NRXN3: variants seen among roughly 807,000 people sequenced by gnomAD.
NRXN3 encodes neurexin III.
Under a neutral mutation model 137.6 loss-of-function variants are expected in NRXN3, and 32 were observed. The ratio of observed to expected loss-of-function variants is 0.23; its 90% CI spans 0.18 to 0.31. The LOEUF (loss-of-function observed/expected upper bound fraction) is 0.31, where lower values mean the gene tolerates loss of function less well. Ranked by LOEUF, NRXN3 falls within the 10% of genes least tolerant of loss-of-function variation. The pLI is 1.00. For synonymous variants in NRXN3, 798 were observed against 784.5 expected (o/e 1.02, Z -0.29); for missense variants, 1,574 against 2,062.5 (o/e 0.76, Z 4.59).
At chr14:79,120,469 C>A (rs2055212829) in intron 15 of NRXN3, among the ~76,000 whole-genome samples, 1 of 151,780 alleles carries the variant, frequency 6.6e-6, no homozygotes, top group South Asian at 2.1e-4. Context: ...CTATGTAAAC[C>A]AGCTTATGAT....
chr14:79,826,647 T>G (rs1193909227), intron 20 of NRXN3, among the ~76,000 whole-genome samples: 2 of 152,152 alleles, frequency 1.3e-5, no homozygotes, highest in African/African-American at 4.8e-5. Flanking sequence ...TGACACAAAA[T>G]CTCACCTAGA....
At chr14:78,624,479 G>T (rs2097435155) in intron 4 of NRXN3, among the ~76,000 whole-genome samples, 1 of 152,236 alleles carries the variant, frequency 6.6e-6, no homozygotes, top group African/African-American at 2.4e-5. Context: ...GAGCTGGCAT[G>T]GCAAGAGGGG....
At chr14:79,692,030 G>A (rs957086807) in intron 17 of NRXN3, 143 bp from the exon 18 acceptor site, 1 of 595,520 alleles carries the variant, frequency 1.7e-6, no homozygotes, top group Non-Finnish European at 2.9e-6. Context: ...CAAGGGCAGA[G>A]TGACTTCAAC....
At chr14:79,743,145 A>G (rs1320202032) in intron 19 of NRXN3, among the ~76,000 whole-genome samples, 2 of 152,078 alleles carry the variant, frequency 1.3e-5, no homozygotes, top group Non-Finnish European at 2.9e-5. Context: ...TTACTTTTGT[A>G]TGTTTCATAT....
chr14:78,810,250 T>G, intron 9 of NRXN3, 68 bp from the exon 10 acceptor site: 4 of 949,410 alleles, frequency 4.2e-6, no homozygotes. Flanking sequence ...GACTGATTGT[T>G]TTTGGATGTC....
intron 15 of NRXN3, among the ~76,000 whole-genome samples, chr14:79,308,436 T>C (rs969048775): frequency 6.6e-6 from 1 of 152,156 alleles, no homozygotes; most frequent in Admixed American, 6.5e-5. Context: ...CTTAGAGAGT[T>C]AGACTGGTCC....
At chr14:79,216,570 T>A (rs77117371) in intron 15 of NRXN3, among the ~76,000 whole-genome samples, 1 of 152,192 alleles carries the variant, frequency 6.6e-6, no homozygotes, top group Non-Finnish European at 1.5e-5. Flanking sequence ...TAAAAAATAG[T>A]GTACCTTTAT....
intron 10 of NRXN3, among the ~76,000 whole-genome samples, chr14:78,880,196 C>T (rs1015871680): frequency 1.5e-5 from 2 of 136,224 alleles, no homozygotes; most frequent in South Asian, 2.2e-4. Flanking sequence ...GCCGAGATCC[C>T]GCCACTGCAC....
In NRXN3 at chr14:78,655,129, A is replaced by G. The variant is rs575773372; in HGVS notation, c.1221+3803A>G. Among the ~76,000 whole-genome samples, 3 of 152,346 alleles carry G rather than the reference A, an allele frequency of 2.0e-5. No homozygotes were observed. In the South Asian group the frequency reaches 6.2e-4, roughly 32 times the overall value. On this transcript the variant is annotated intron_variant, in intron 6 of 20. Coordinates refer to ENST00000335750, the MANE Select transcript of NRXN3 (RefSeq NM_001330195.2). ...GGCTTCAGATCAGAAAATCTGCTTAAGAATGCTAGCTTTATCACTGGCTAT... is the reference window on the plus strand; with the variant it reads ...GGCTTCAGATCAGAAAATCTGCTTAGGAATGCTAGCTTTATCACTGGCTAT...
At chr14:78,843,155 A>T (rs2099017350) in intron 10 of NRXN3, among the ~76,000 whole-genome samples, 1 of 152,136 alleles carries the variant, frequency 6.6e-6, no homozygotes, top group African/African-American at 2.4e-5. Context: ...ATGTTCAGAG[A>T]TTGCAGTAAA....
chr14:78,490,069 C>A (rs1338706171), intron 4 of NRXN3, among the ~76,000 whole-genome samples: 1 of 152,096 alleles, frequency 6.6e-6, no homozygotes, highest in East Asian at 1.9e-4. Context: ...CACATGCCAC[C>A]ATGCCTGGCT....
At chr14:78,597,623 C>T (rs1416634160) in intron 4 of NRXN3, among the ~76,000 whole-genome samples, 1 of 152,140 alleles carries the variant, frequency 6.6e-6, no homozygotes, top group African/African-American at 2.4e-5. Flanking sequence ...AGATCCTCTG[C>T]CCGTGAAGCT....
chr14:78,848,164 A>G (rs1490341828), intron 10 of NRXN3, among the ~76,000 whole-genome samples: 1 of 152,048 alleles, frequency 6.6e-6, no homozygotes, highest in East Asian at 1.9e-4. Flanking sequence ...TTGCTAGTTT[A>G]TCCTCCCTTC....
intron 19 of NRXN3, among the ~76,000 whole-genome samples, chr14:79,707,174 A>G (rs1422041198): frequency 1.3e-5 from 2 of 152,224 alleles, no homozygotes; most frequent in African/African-American, 4.8e-5. Context: ...GTTGCTCATC[A>G]TTGGACATTT....
chr14:78,357,990 C>CAG (rs916174470), intron 4 of NRXN3, among the ~76,000 whole-genome samples: 24 of 152,100 alleles, frequency 1.6e-4, no homozygotes, highest in African/African-American at 5.5e-4. Context: ...AGAAAGGCTG[C>CAG]AGAGAGAGAG....
intron 19 of NRXN3, among the ~76,000 whole-genome samples, chr14:79,763,415 G>T (rs1327828400): frequency 8.9e-5 from 6 of 67,116 alleles, no homozygotes; most frequent in Admixed American, 7.7e-4. Context: ...AATCCTTTGG[G>T]TATACACCCA....
At chr14:78,445,053 GT>G (rs1297249578) in intron 4 of NRXN3, among the ~76,000 whole-genome samples, 1 of 151,908 alleles carries the variant, frequency 6.6e-6, no homozygotes, top group East Asian at 1.9e-4. Flanking sequence ...AATTATATCT[GT>G]TCTTAAATTA....
At chr14:78,336,781 C>T (rs2081527568) in intron 4 of NRXN3, among the ~76,000 whole-genome samples, 1 of 152,086 alleles carries the variant, frequency 6.6e-6, no homozygotes, top group Non-Finnish European at 1.5e-5. Flanking sequence ...AGGGTTCCCT[C>T]TTATCTGCTC....
chr14:79,736,572 G>A (rs932645309), intron 19 of NRXN3, among the ~76,000 whole-genome samples: 1 of 152,130 alleles, frequency 6.6e-6, no homozygotes, highest in Non-Finnish European at 1.5e-5. Flanking sequence ...CAGGTCGTGG[G>A]GGTGACAAAG....
Sources: allele counts gnomAD v4.1 joint callset (sites outside exome capture counted in the v4.1 genomes callset), GRCh38; gene constraint gnomAD v4.1.1; transcripts MANE v1.5; gene names NCBI Gene and HGNC (gene_info 2026-07-23, HGNC 2026-07-21).